VPS13D: variants seen among roughly 807,000 people sequenced by gnomAD.
The protein encoded by VPS13D is intermembrane lipid transfer protein VPS13D.
A neutral mutation model predicts 461.9 loss-of-function variants in VPS13D; 187 were observed. That is an observed-to-expected ratio of 0.40 (90% CI 0.36 to 0.46). The LOEUF is 0.46. VPS13D is among the 20% of genes least tolerant of loss of function. The pLI, the probability that VPS13D is intolerant of heterozygous loss-of-function variation, is 0.60. For missense variants in VPS13D, 4,711 were observed against 5,364.9 expected (o/e 0.88, Z 3.81); for synonymous variants, 1,951 against 1,986.3 (o/e 0.98, Z 0.47).
intron 60 of VPS13D, 37 bp downstream of exon 60, chr1:12,386,371 T>G (rs1166669605): frequency 6.4e-7 from 1 of 1,551,732 alleles, no homozygotes; most frequent in Non-Finnish European, 8.7e-7. Flanking sequence ...GTCACCTTGT[T>G]TTCATGCTGA....
intron 50 of VPS13D, among the ~76,000 whole-genome samples, chr1:12,359,163 A>T (rs531968541): frequency 1.3e-5 from 2 of 152,246 alleles, no homozygotes; most frequent in African/African-American, 2.4e-5. Flanking sequence ...TGGAAAGGGG[A>T]GGGGAGGATA....
In VPS13D at chr1:12,509,030, C is replaced by T. The variant is rs746967781; in HGVS notation, c.*6C>T. 2.5e-5 allele frequency: 40 copies of T among 1,613,454 alleles called. No individual in the cohort carries two copies. Among genetic ancestry groups the T allele is most frequent in the South Asian group, 2.0e-4 (18 of 90,836 alleles). On this transcript the variant is annotated 3_prime_UTR_variant, in exon 70 of 70. Coordinates refer to ENST00000620676, the MANE Select transcript of VPS13D (RefSeq NM_015378.4). ...AGCTGGAGCTGGACTCCTGAAGCCC[C>T]GCTGCTGAGATGGGCGCTCCCGACA...
chr1:12,424,864 A>G (rs529975169), intron 65 of VPS13D, among the ~76,000 whole-genome samples: 14 of 152,278 alleles, frequency 9.2e-5, no homozygotes, highest in African/African-American at 3.4e-4. Context: ...GTAGAAAAGT[A>G]TATTCAGTTG....
In VPS13D at chr1:12,299,598, A is replaced by AT. The variant is rs922128124; in HGVS notation, c.6216+222dup. On this transcript the variant is annotated intron_variant, in intron 25 of 69. Coordinates refer to ENST00000620676, the MANE Select transcript of VPS13D (RefSeq NM_015378.4). This position sits in a 1 kb window ranked among gnomAD's most constrained non-coding sequence, Gnocchi z 4.2. Reference sequence around the variant, plus strand: ...ACTCTTAGTAAATGTAGGTAGTAGAATTTTTTTTGACATTTTATTGATATT... The same window carrying AT: ...ACTCTTAGTAAATGTAGGTAGTAGAATTTTTTTTTGACATTTTATTGATATT... Among the ~76,000 whole-genome samples the AT allele has an allele frequency of 9.2e-5, 14 of 151,408 alleles. No homozygotes were observed. Among genetic ancestry groups the AT allele is most frequent in the Non-Finnish European group, 2.1e-4 (14 of 67,780 alleles).
At chr1:12,388,034 T>A (rs1339838078) in intron 60 of VPS13D, among the ~76,000 whole-genome samples, 2 of 152,178 alleles carry the variant, frequency 1.3e-5, no homozygotes, top group African/African-American at 4.8e-5. Flanking sequence ...AAGTAATGAA[T>A]ACCAGAAATG....
At position 12,473,413 on chromosome 1, in the gene VPS13D, T is replaced by C. The variant is rs12408116; in HGVS notation, c.12662+13017T>C. ...TCCGCAGCACTGGCTGCTTCCGGCATCTGCAGTGCGAGGGTAAACAGGCCT... is the reference window on the plus strand; with the variant it reads ...TCCGCAGCACTGGCTGCTTCCGGCACCTGCAGTGCGAGGGTAAACAGGCCT... On this transcript the variant is annotated intron_variant, in intron 67 of 69. Transcript: ENST00000620676. The surrounding 1 kb of genome is among the most constrained non-coding windows in gnomAD (Gnocchi z 4.2). 0.044 allele frequency among the ~76,000 whole-genome samples: 6,688 copies of C among 152,294 alleles called. 215 individuals carry two copies. The highest frequency in any genetic ancestry group is 0.082 in the East Asian group (427 of 5,176).
At chr1:12,230,710 G>T (rs1258926849) in intron 1 of VPS13D, among the ~76,000 whole-genome samples, 1 of 151,650 alleles carries the variant, frequency 6.6e-6, no homozygotes, top group Non-Finnish European at 1.5e-5. Flanking sequence ...CCAGGGTCAC[G>T]CCCTGGCCCA....
chr1:12,372,232 T>A (rs901852299), intron 54 of VPS13D, among the ~76,000 whole-genome samples: 16 of 151,512 alleles, frequency 1.1e-4, no homozygotes, highest in East Asian at 3.9e-4. Flanking sequence ...TGAAAAAAAA[T>A]TTTTTTTTGG....
At chr1:12,288,384 T>G in intron 22 of VPS13D, 71 bp downstream of exon 22, 1 of 1,354,898 alleles carries the variant, frequency 7.4e-7, no homozygotes. Context: ...TGATCACAAA[T>G]TGATTGTCCT....
chr1:12,260,539 G>A (rs1284097097), intron 10 of VPS13D, among the ~76,000 whole-genome samples, 154 bp from the exon 11 acceptor site: 1 of 152,154 alleles, frequency 6.6e-6, no homozygotes, highest in Non-Finnish European at 1.5e-5. Context: ...AGCAATCATG[G>A]AACTATTTAT....
intron 39 of VPS13D, 27 bp from the exon 40 acceptor site, chr1:12,338,204 T>A (rs1162389876): frequency 6.3e-7 from 1 of 1,589,886 alleles, no homozygotes; most frequent in East Asian, 2.2e-5. Context: ...ATTCTTAGCC[T>A]CTAACTTTGT....
chr1:12,477,749 C>T (rs150446388), intron 67 of VPS13D, among the ~76,000 whole-genome samples: 2,879 of 152,282 alleles, frequency 0.019, 107 homozygotes, highest in Admixed American at 0.099. Context: ...CATTCACATA[C>T]AGCACTCACG....
chr1:12,479,033 G>C (rs1032244555), intron 67 of VPS13D, among the ~76,000 whole-genome samples: 1 of 152,192 alleles, frequency 6.6e-6, no homozygotes, highest in African/African-American at 2.4e-5. Flanking sequence ...CCCACGGAGT[G>C]GCCTGTGAGC....
intron 7 of VPS13D, 156 bp from the exon 8 acceptor site, chr1:12,256,177 A>G: frequency 1.3e-6 from 1 of 794,578 alleles, no homozygotes; most frequent in Non-Finnish European, 1.9e-6. Context: ...TAAAAAGAAT[A>G]AAAATGAATA....
intron 58 of VPS13D, among the ~76,000 whole-genome samples, 184 bp downstream of exon 58, chr1:12,383,339 G>T (rs953394213): frequency 1.2e-4 from 18 of 152,114 alleles, no homozygotes; most frequent in Admixed American, 1.1e-3. Context: ...ACAACAAAAA[G>T]ATAAGCGTAA....
In VPS13D at chr1:12,473,550, A is replaced by T. The variant is rs966325718; in HGVS notation, c.12662+13154A>T. On this transcript the variant is annotated intron_variant, in intron 67 of 69. Transcript: ENST00000620676. This position sits in a 1 kb window ranked among gnomAD's most constrained non-coding sequence, Gnocchi z 4.2. ...CTGAGATGAGATTCCTTTGAGTCAT[A>T]TGCCTACCTCGGTGGGTGGTTACGT... Among the ~76,000 whole-genome samples the T allele has an allele frequency of 9.2e-5, 14 of 152,082 alleles. No homozygotes were observed. The highest frequency in any genetic ancestry group is 1.5e-4 in the Non-Finnish European group (10 of 68,024).
intron 38 of VPS13D, 77 bp from the exon 39 acceptor site, chr1:12,335,628 T>TCAA: frequency 6.6e-7 from 1 of 1,522,242 alleles, no homozygotes; most frequent in Admixed American, 2.1e-5. Flanking sequence ...AAAGCTTGTT[T>TCAA]TGCTGAATTG....
rs992856585 is a variant in VPS13D, at chr1:12,400,092, G to A, written c.11635-89G>A. Reference sequence around the variant, plus strand: ...CAAGGGTACTTTCTGAGCAACCTGCGCATTATGAGGCCCCACTCAAGCGTA... The same window carrying A: ...CAAGGGTACTTTCTGAGCAACCTGCACATTATGAGGCCCCACTCAAGCGTA... On this transcript the variant is annotated intron_variant, in intron 60 of 69. Transcript: ENST00000620676. The A allele has an allele frequency of 1.8e-4, 268 of 1,450,648 alleles. 5 individuals carry two copies. In the Admixed American group the frequency reaches 4.8e-3, roughly 26 times the overall value. The allele number at this position is 1,450,648 out of a possible 1,614,324, so 89.9% of individuals were successfully genotyped here.
intron 67 of VPS13D, among the ~76,000 whole-genome samples, chr1:12,478,204 TAAC>T (rs1250250565): frequency 6.6e-6 from 1 of 152,254 alleles, no homozygotes; most frequent in Non-Finnish European, 1.5e-5. Context: ...GTGCCTGAAC[TAAC>T]AACCCTGTAG....
Sources: gnomAD v4.1 joint callset for allele counts (sites outside exome capture counted in the v4.1 genomes callset) on GRCh38, gnomAD v4.1.1 for gene constraint, Gnocchi (gnomAD v3.1) non-coding constraint, MANE v1.5 for transcripts, NCBI Gene and HGNC (gene_info 2026-07-23, HGNC 2026-07-21) for gene names.